PRKAR1A: variants seen among roughly 807,000 people sequenced by gnomAD.
The protein encoded by PRKAR1A is cAMP-dependent protein kinase type I-alpha regulatory subunit.
PRKAR1A carries 3 observed loss-of-function variants against 52.0 expected under a neutral mutation model. The observed-to-expected ratio is 0.06, with a 90% CI of 0.03 to 0.15. The LOEUF is 0.15. PRKAR1A is among the 10% of genes least tolerant of loss of function. The pLI, the probability that PRKAR1A is intolerant of heterozygous loss-of-function variation, is 1.00. For synonymous variants in PRKAR1A, 188 were observed against 168.4 expected (o/e 1.12, Z -0.90); for missense variants, 240 against 477.4 (o/e 0.50, Z 4.63).
At chr17:68,427,633 T>C in the PRKAR1A span, 2 of 177,524 alleles carry the variant, frequency 1.1e-5, no homozygotes, top group Non-Finnish European at 2.4e-5. Flanking sequence ...ATTGTAGACC[T>C]ACCCACACGC....
chr17:68,546,217 G>T (rs2086558438), intron 11 of PRKAR1A, among the ~76,000 whole-genome samples: 1 of 144,984 alleles, frequency 6.9e-6, no homozygotes, highest in Non-Finnish European at 1.5e-5. Context: ...ATCTGTTCAA[G>T]TTTGATCATG....
At chr17:68,449,651 A>G in the PRKAR1A span, among the ~76,000 whole-genome samples, 1 of 152,188 alleles carries the variant, frequency 6.6e-6, no homozygotes, top group Non-Finnish European at 1.5e-5. Flanking sequence ...CCTGCCACGT[A>G]AGACGCCTGC....
At chr17:68,501,097 T>C in the PRKAR1A span, among the ~76,000 whole-genome samples, 1 of 146,140 alleles carries the variant, frequency 6.8e-6, no homozygotes, top group East Asian at 2.0e-4. Flanking sequence ...CGGAGCATAC[T>C]CCTCCTTGAC....
At chr17:68,478,311 G>A in the PRKAR1A span, among the ~76,000 whole-genome samples, 4 of 152,082 alleles carry the variant, frequency 2.6e-5, no homozygotes, top group Non-Finnish European at 5.9e-5. Flanking sequence ...AATTAGCTGG[G>A]CATGGTGGCG....
chr17:68,542,552 G>T, intron 11 of PRKAR1A: 1 of 728,516 alleles, frequency 1.4e-6, no homozygotes, highest in East Asian at 2.7e-5. Flanking sequence ...GACCATGGTG[G>T]GAGTGTCTTA....
At chr17:68,427,423 C>A in the PRKAR1A span, 6 of 478,988 alleles carry the variant, frequency 1.3e-5, no homozygotes, top group Non-Finnish European at 2.2e-5. Context: ...GTGGCGCAAT[C>A]TCGGCTCACT....
chr17:68,542,729 T>C (rs750059449), intron 11 of PRKAR1A: 1 of 1,614,132 alleles, frequency 6.2e-7, no homozygotes, highest in Admixed American at 1.7e-5. Context: ...CAGGATTTCA[T>C]TCTTGGTGAC....
At chr17:68,510,339 G>A (rs2085248452), upstream of PRKAR1A, among the ~76,000 whole-genome samples, 1 of 152,164 alleles carries the variant, frequency 6.6e-6, no homozygotes, top group Non-Finnish European at 1.5e-5. Context: ...TATGTTAAGA[G>A]TTACTATGAG....
At chr17:68,505,512 A>G in the PRKAR1A span, among the ~76,000 whole-genome samples, 1 of 152,164 alleles carries the variant, frequency 6.6e-6, no homozygotes, top group South Asian at 2.1e-4. Flanking sequence ...TATGGACTTC[A>G]GTTAATAATA....
At chr17:68,468,144 G>A in the PRKAR1A span, among the ~76,000 whole-genome samples, 1 of 152,192 alleles carries the variant, frequency 6.6e-6, no homozygotes, top group Admixed American at 6.5e-5. Flanking sequence ...TTAGGATGGA[G>A]AGTGGGGCCA....
chr17:68,473,398 A>G, the PRKAR1A span, among the ~76,000 whole-genome samples: 1 of 152,240 alleles, frequency 6.6e-6, no homozygotes, highest in East Asian at 1.9e-4. Context: ...ATAAATAAAT[A>G]AATACACTTA....
intron 5 of PRKAR1A, 121 bp from the exon 6 acceptor site, chr17:68,524,791 G>A (rs556075788): frequency 1.3e-6 from 1 of 789,192 alleles, no homozygotes; most frequent in African/African-American, 1.7e-5. Flanking sequence ...CTGAAAGATT[G>A]TGTTAGTTTG....
chr17:68,546,647 G>A (rs182226087), intron 11 of PRKAR1A, among the ~76,000 whole-genome samples: 149 of 152,106 alleles, frequency 9.8e-4, no homozygotes, highest in Middle Eastern at 3.4e-3. Flanking sequence ...TGGCTAACAC[G>A]GTGAAACCCT....
the PRKAR1A span, among the ~76,000 whole-genome samples, chr17:68,464,704 A>AAC: frequency 1.4e-5 from 2 of 137,990 alleles, no homozygotes; most frequent in South Asian, 2.3e-4. Flanking sequence ...AAAAACAAAA[A>AAC]AAACAAAAAA....
At position 68,530,758 on chromosome 17, in the gene PRKAR1A, T is replaced by C; in HGVS notation, c.*309T>C. On this transcript the variant is annotated 3_prime_UTR_variant, in exon 11 of 11. Coordinates refer to ENST00000589228, the MANE Select transcript of PRKAR1A (RefSeq NM_002734.5). ...TTTGGTGAGGGCAGATCCCAGCACC[T>C]ATTGAATTACCATAGAGTAATGATG... 7.6e-7 allele frequency: 1 copy of C among 1,318,146 alleles called. No homozygotes were observed. The highest frequency in any genetic ancestry group is 9.7e-7 in the Non-Finnish European group (1 of 1,026,132). The allele number at this position is 1,318,146 out of a possible 1,614,324, so 81.7% of individuals were successfully genotyped here. A position where few individuals can be genotyped will look rare whatever the true frequency, so the allele number is the denominator to read the frequency against.
the PRKAR1A span, chr17:68,428,941 G>A: frequency 2.5e-6 from 4 of 1,610,698 alleles, no homozygotes; most frequent in Non-Finnish European, 8.5e-7. Flanking sequence ...TGGATCCTAA[G>A]GGCCAAGGAA....
chr17:68,539,834 G>C (rs1378536079), intron 11 of PRKAR1A: 2 of 1,571,982 alleles, frequency 1.3e-6, no homozygotes, highest in South Asian at 1.1e-5. Flanking sequence ...TGGCTGCACA[G>C]AGCAGCACAT....
chr17:68,454,498 G>A, the PRKAR1A span, among the ~76,000 whole-genome samples: 11 of 152,136 alleles, frequency 7.2e-5, no homozygotes, highest in Admixed American at 7.2e-4. Flanking sequence ...CCACAAGGTA[G>A]CTGGTGACGT....
In PRKAR1A at chr17:68,532,232, T is replaced by TA. The variant is rs879827113; in HGVS notation, c.*1784dup. ...AAATTAAAAATGAAAATTACGTTCT[T>TA]ACAAGCTTAAAGCTTGATTTGATCT... On this transcript the variant is annotated 3_prime_UTR_variant, in exon 11 of 11. Transcript: ENST00000589228. The TA allele has an allele frequency of 4.3e-5, 45 of 1,035,680 alleles. No homozygotes were observed. Among genetic ancestry groups the TA allele is most frequent in the Non-Finnish European group, 5.0e-5 (43 of 852,218 alleles). The allele number at this position is 1,035,680 out of a possible 1,614,324, so 64.2% of individuals were successfully genotyped here. A position where few individuals can be genotyped will look rare whatever the true frequency, so the allele number is the denominator to read the frequency against.
Sources: allele counts gnomAD v4.1 joint callset (sites outside exome capture counted in the v4.1 genomes callset), GRCh38; gene constraint gnomAD v4.1.1; transcripts MANE v1.5; gene names NCBI Gene and HGNC (gene_info 2026-07-23, HGNC 2026-07-21).